Variants in PKNOX2 observed in about 807,000 individuals in gnomAD.
PKNOX2 encodes the protein PBX/knotted 1 homeobox 2, also known as homeobox protein PKNOX2.
In PKNOX2, 14 loss-of-function variants were observed where a neutral mutation model predicts 53.1. The observed-to-expected ratio is 0.26, with a 90% confidence interval of 0.17 to 0.41. PKNOX2 has a LOEUF of 0.41. PKNOX2 is among the 10% of genes least tolerant of loss of function. The pLI, the probability that PKNOX2 is intolerant of heterozygous loss-of-function variation, is 1.00. For missense variants in PKNOX2, 496 were observed against 602.8 expected (o/e 0.82, Z 1.85); for synonymous variants, 257 against 242.8 (o/e 1.06, Z -0.54).
chr11:125,413,075 A>G (rs1054803984), intron 10 of PKNOX2, among the ~76,000 whole-genome samples: 24 of 152,124 alleles, frequency 1.6e-4, no homozygotes, highest in African/African-American at 5.8e-4. Context: ...ATCTCCCCAA[A>G]AGTGTTCCCT....
intron 1 of PKNOX2, among the ~76,000 whole-genome samples, chr11:125,195,031 T>G (rs1441810560): frequency 6.6e-6 from 1 of 152,122 alleles, no homozygotes; most frequent in East Asian, 1.9e-4. Flanking sequence ...CATGGAACGC[T>G]TAAGGAACCC....
intron 10 of PKNOX2, among the ~76,000 whole-genome samples, chr11:125,412,539 G>C (rs1158411672): frequency 6.6e-6 from 1 of 152,238 alleles, no homozygotes; most frequent in African/African-American, 2.4e-5. Flanking sequence ...GCCTTTGGTG[G>C]AATGTCAGGA....
intron 1 of PKNOX2, among the ~76,000 whole-genome samples, chr11:125,227,704 A>G (rs966445416): frequency 3.9e-5 from 6 of 152,218 alleles, no homozygotes; most frequent in Non-Finnish European, 7.3e-5. Flanking sequence ...GTGTACAAGT[A>G]TCTGCTTCAG....
intron 6 of PKNOX2, 138 bp downstream of exon 6, chr11:125,385,860 A>G (rs767244557): frequency 2.5e-4 from 263 of 1,041,462 alleles, no homozygotes; most frequent in Non-Finnish European, 3.4e-4. Context: ...CACTAGATGC[A>G]CCAGTCTTGC....
chr11:125,405,035 G>C (rs934636133), intron 7 of PKNOX2, among the ~76,000 whole-genome samples: 3 of 152,350 alleles, frequency 2.0e-5, no homozygotes, highest in East Asian at 1.9e-4. Flanking sequence ...TGAGCCGGTG[G>C]ATCAGCAGAG....
At chr11:125,431,075 A>G in intron 12 of PKNOX2, 91 bp from the exon 13 acceptor site, 1 of 1,503,920 alleles carries the variant, frequency 6.6e-7, no homozygotes, top group Non-Finnish European at 8.9e-7. Flanking sequence ...TCACTGCTCT[A>G]TGAGCCAGTC....
intron 2 of PKNOX2, among the ~76,000 whole-genome samples, chr11:125,269,767 G>T (rs1419855948): frequency 1.3e-5 from 2 of 152,198 alleles, no homozygotes; most frequent in African/African-American, 2.4e-5. Context: ...TCATCCAAAA[G>T]GATGCTGGGA....
At chr11:125,247,342 T>A (rs182596044) in intron 2 of PKNOX2, among the ~76,000 whole-genome samples, 48 of 152,306 alleles carry the variant, frequency 3.2e-4, no homozygotes, top group African/African-American at 1.1e-3. Context: ...TTCCTTGAGC[T>A]CACAGTGCCC....
At chr11:125,414,232 G>A (rs1359342518) in intron 10 of PKNOX2, among the ~76,000 whole-genome samples, 1 of 152,206 alleles carries the variant, frequency 6.6e-6, no homozygotes. Context: ...CAGGACCCAG[G>A]CTGGCATCTA....
At chr11:125,405,219 C>T (rs1343668074) in intron 7 of PKNOX2, among the ~76,000 whole-genome samples, 1 of 152,266 alleles carries the variant, frequency 6.6e-6, no homozygotes, top group African/African-American at 2.4e-5. Context: ...CCGTTCATTC[C>T]CCTGTTTCAC....
chr11:125,267,858 C>T (rs1264620934), intron 2 of PKNOX2, among the ~76,000 whole-genome samples: 2 of 152,090 alleles, frequency 1.3e-5, no homozygotes, highest in Non-Finnish European at 1.5e-5. Context: ...GAATTGTCTT[C>T]GATCAGAGGC....
intron 1 of PKNOX2, among the ~76,000 whole-genome samples, chr11:125,204,540 C>T (rs1316554936): frequency 6.6e-6 from 1 of 152,258 alleles, no homozygotes; most frequent in Non-Finnish European, 1.5e-5. Context: ...ACAGGTTGAA[C>T]GACACATCCC....
At chr11:125,407,416 G>T (rs1955171559) in intron 7 of PKNOX2, among the ~76,000 whole-genome samples, 1 of 152,188 alleles carries the variant, frequency 6.6e-6, no homozygotes, top group African/African-American at 2.4e-5. Context: ...GACTTTGCTT[G>T]TATTTTTCTA....
chr11:125,355,308 G>A (rs1346242559), intron 4 of PKNOX2, among the ~76,000 whole-genome samples: 1 of 150,530 alleles, frequency 6.6e-6, no homozygotes, highest in African/African-American at 2.4e-5. Flanking sequence ...GAAAGAAAGT[G>A]CAAAAGCAAC....
chr11:125,188,258 C>A (rs1298045713), intron 1 of PKNOX2: 1 of 152,200 alleles, frequency 6.6e-6, no homozygotes, highest in Non-Finnish European at 1.5e-5. Context: ...AAGGACTACA[C>A]TCCTTTGTGG....
chr11:125,327,676 C>T (rs1168703212), intron 2 of PKNOX2, among the ~76,000 whole-genome samples: 1 of 152,198 alleles, frequency 6.6e-6, no homozygotes, highest in Non-Finnish European at 1.5e-5. Context: ...CTCCTCCCTG[C>T]AGTCCTGGCT....
At chr11:125,295,047 G>A (rs1337080142) in intron 2 of PKNOX2, among the ~76,000 whole-genome samples, 1 of 152,192 alleles carries the variant, frequency 6.6e-6, no homozygotes, top group Non-Finnish European at 1.5e-5. Flanking sequence ...TGGCCTTCTG[G>A]AGGGCTGGCC....
intron 4 of PKNOX2, among the ~76,000 whole-genome samples, chr11:125,360,217 G>C (rs1275686992): frequency 6.6e-6 from 1 of 152,060 alleles, no homozygotes; most frequent in Admixed American, 6.5e-5. Context: ...GGTGTTCAGC[G>C]TTTTCAGAAA....
At chr11:125,178,494 G>A (rs1286125579) in intron 1 of PKNOX2, among the ~76,000 whole-genome samples, 2 of 142,104 alleles carry the variant, frequency 1.4e-5, no homozygotes, top group East Asian at 2.1e-4. Flanking sequence ...CTGGGCAGCA[G>A]AGCGAAACTC....
Sources: allele counts gnomAD v4.1 joint callset (sites outside exome capture counted in the v4.1 genomes callset), GRCh38; gene constraint gnomAD v4.1.1; transcripts MANE v1.5; gene names NCBI Gene and HGNC (gene_info 2026-07-23, HGNC 2026-07-21).